Variants in GBA2 observed in about 807,000 individuals in gnomAD.
The protein encoded by GBA2 is glucosylceramidase beta 2.
In GBA2, 79 loss-of-function variants were observed where a neutral mutation model predicts 112.9. The observed-to-expected ratio is 0.70, with a 90% CI of 0.58 to 0.84. The LOEUF (loss-of-function observed/expected upper bound fraction) is 0.84. Among genes scored for constraint, GBA2 ranks in the 40% least tolerant of loss-of-function variants. The pLI, the probability that GBA2 is intolerant of heterozygous loss-of-function variation, is 0.00. For synonymous variants in GBA2, 403 were observed against 434.3 expected (o/e 0.93, Z 0.90); for missense variants, 1,043 against 1,190.0 (o/e 0.88, Z 1.82).
chr9:35,740,766 C>A lies in GBA2; in HGVS notation c.1026+59G>T. The A allele has an allele frequency of 2.5e-6, 4 of 1,597,146 alleles. No homozygotes were observed. In the South Asian group the frequency reaches 4.5e-5, roughly 18 times the overall value. On this transcript the variant is annotated intron_variant, in intron 5 of 16. Transcript: ENST00000378103. The surrounding 1 kb of genome is among the most constrained non-coding windows in gnomAD (Gnocchi z 4.7). ...AGTATGATGAGGGTGGATGAAGAGACCATGCTGGGGTGGAGGTGGGGTTCA... is the reference window on the plus strand; with the variant it reads ...AGTATGATGAGGGTGGATGAAGAGAACATGCTGGGGTGGAGGTGGGGTTCA...
Position 35,739,146 on chromosome 9 carries a change from C to T in GBA2, c.1688-37G>A, listed in dbSNP as rs114531569. 3.2e-3 allele frequency: 4,534 copies of T among 1,397,742 alleles called. 104 individuals carry two copies. The African/African-American group carries it at 0.055, about 17-fold the overall frequency. The allele number at this position is 1,397,742 out of a possible 1,614,324, so 86.6% of individuals were successfully genotyped here. Reference sequence around the variant, plus strand: ...ACACAGAAGGGAGGCAGGGAATGGGCATGCCTGAGGAGGGGCACACAGCTA... The same window carrying T: ...ACACAGAAGGGAGGCAGGGAATGGGTATGCCTGAGGAGGGGCACACAGCTA... On this transcript the variant is annotated intron_variant, in intron 10 of 16. Transcript: ENST00000378103.
At chr9:35,744,255 T>C in intron 3 of GBA2, 42 bp downstream of exon 3, 1 of 1,091,736 alleles carries the variant, frequency 9.2e-7, no homozygotes, top group Non-Finnish European at 1.4e-6. Context: ...CTTCTTGGCC[T>C]GGGGAGGTAT....
chr9:35,747,392 T>C (rs1426681149), intron 1 of GBA2, among the ~76,000 whole-genome samples: 1 of 152,178 alleles, frequency 6.6e-6, no homozygotes, highest in African/African-American at 2.4e-5. Flanking sequence ...ATGATTCTTC[T>C]CTGCTACAGG....
At chr9:35,744,746 G>T in intron 1 of GBA2, 40 bp from the exon 2 acceptor site, 1 of 1,120,086 alleles carries the variant, frequency 8.9e-7, no homozygotes, top group Non-Finnish European at 1.4e-6. Context: ...GGGGGCAGGT[G>T]GGCAGCTGTT....
In GBA2 at chr9:35,739,392, T is replaced by C. The variant is rs1353288322; in HGVS notation, c.1610A>G (p.Tyr537Cys). The C allele has an allele frequency of 1.9e-6, 3 of 1,612,794 alleles. No homozygotes were observed. The highest frequency in any genetic ancestry group is 3.3e-5 in the Admixed American group (2 of 59,996). Residue 537 changes from tyrosine to cysteine, a missense_variant, in exon 10 of 17, where the codon TAT (tyrosine) becomes TGT (cysteine). Transcript: ENST00000378103. ...AAAGGAAGCATAAAAGTGGACATCA[T>C]ATGTGTTGTACATGCGGTACTCCTG... is the stretch of plus-strand genomic sequence containing the variant. ...EGQEYRMYNT[Y>C]DVHFYASFAL... is the part of the protein sequence containing the mutation.
rs771473892 is a variant in GBA2 at position 35,737,514 on chromosome 9, A to G, written c.2506-67T>C. ...CTCTGAAGAGCCACTTCCACTGGATAGATGGAGGCAGTAGAGTCTTTGCCT... is the reference window on the plus strand; with the variant it reads ...CTCTGAAGAGCCACTTCCACTGGATGGATGGAGGCAGTAGAGTCTTTGCCT... On this transcript the variant is annotated intron_variant, in intron 16 of 16. Transcript: ENST00000378103. This position sits in a 1 kb window ranked among gnomAD's most constrained non-coding sequence, Gnocchi z 4.1. The G allele has an allele frequency of 1.9e-6, 3 of 1,575,430 alleles. No homozygotes were observed. In the African/African-American group the frequency reaches 4.1e-5, roughly 21 times the overall value.
rs2131932746 is a variant in GBA2, at chr9:35,737,220, T to C, written c.2733A>G (p.Thr911=). 2.5e-6 allele frequency: 4 copies of C among 1,612,780 alleles called. No homozygotes were observed. The highest frequency in any genetic ancestry group is 4.5e-5 in the East Asian group (2 of 44,872). ...CTTCCTTTGGTCCAAACATAGGCCC[T>C]GTCCTTAGTCCTGTGCCCTGTTTGA... ...PKVKQGTGLR[T]GPMFGPKEAM... Residue 911 remains threonine (T), a synonymous_variant, in exon 17 of 17, where the codon ACA becomes ACG. Coordinates refer to ENST00000378103, the MANE Select transcript of GBA2 (RefSeq NM_020944.3). This position sits in a 1 kb window ranked among gnomAD's most constrained non-coding sequence, Gnocchi z 4.1.
intron 1 of GBA2, among the ~76,000 whole-genome samples, chr9:35,745,384 C>G (rs375525516): frequency 1.3e-5 from 2 of 152,270 alleles, no homozygotes; most frequent in East Asian, 3.9e-4. Context: ...CTCGGCCTCC[C>G]AAAGTGCTGG....
rs1040312084 is a variant in GBA2, at chr9:35,740,314, C to T, written c.1178G>A (p.Cys393Tyr). Reference sequence around the variant, plus strand: ...TCGAGGTCGCAACTTGCTGGAAACACACACAGCTCCAGCAATGCCTACTCC... The same window carrying T: ...TCGAGGTCGCAACTTGCTGGAAACATACACAGCTCCAGCAATGCCTACTCC... ...QKGVGIAGAV[C>Y]VSSKLRPRGQ... is the part of the protein sequence containing the mutation. The change falls in exon 7 of 17, where the codon TGT becomes TAT. Residue 393 changes from cysteine to tyrosine, a missense_variant. Cys to Tyr is a radical substitution (Grantham distance 194, BLOSUM62 -2). Coordinates refer to ENST00000378103, the MANE Select transcript of GBA2 (RefSeq NM_020944.3). This position sits in a 1 kb window ranked among gnomAD's most constrained non-coding sequence, Gnocchi z 4.7. 1 of 1,613,842 alleles carries T rather than the reference C, an allele frequency of 6.2e-7. No homozygotes were observed. The highest frequency in any genetic ancestry group is 1.3e-5 in the African/African-American group (1 of 74,924).
Position 35,737,744 on chromosome 9 carries a change from T to G in GBA2, c.2505+4A>C. The stretch of plus-strand genomic sequence containing the variant: ...GTGGAGAGATGGGAAAAGGAGTGCA[T>G]TACCTCTTGGATCATGGTAGCTGCC... On this transcript the variant is annotated splice_donor_region_variant and intron_variant, in intron 16 of 16. Coordinates refer to ENST00000378103, the MANE Select transcript of GBA2 (RefSeq NM_020944.3). This position sits in a 1 kb window ranked among gnomAD's most constrained non-coding sequence, Gnocchi z 4.1. The G allele has an allele frequency of 1.2e-6, 2 of 1,613,434 alleles. No individual in the cohort carries two copies. The highest frequency in any genetic ancestry group is 1.7e-6 in the Non-Finnish European group (2 of 1,179,484).
In GBA2 at chr9:35,748,393, G is replaced by A; in HGVS notation, c.312C>T (p.Asn104=). 6.2e-7 allele frequency: 1 copy of A among 1,614,106 alleles called. No individual in the cohort carries two copies. The highest frequency in any genetic ancestry group is 8.5e-7 in the Non-Finnish European group (1 of 1,179,936). ...FTEKRKPFQA[N]NVSLSNMIKH... ...TTATCATGTTGCTTAGGGAGACGTT[G>A]TTAGCTTGAAAGGGTTTCCTCTTCT... The change falls in exon 1 of 17, where the codon AAC becomes AAT. Residue 104 remains asparagine, a synonymous_variant. Transcript: ENST00000378103.
intron 13 of GBA2, 43 bp downstream of exon 13, chr9:35,738,483 C>T (rs1272894426): frequency 7.6e-6 from 12 of 1,585,290 alleles, no homozygotes; most frequent in Non-Finnish European, 1.0e-5. Context: ...CCTTGTTGCC[C>T]AGTTTCTCAC....
rs367570993 is a variant in GBA2, at chr9:35,739,980, A to C, written c.1409+18T>G. The stretch of plus-strand genomic sequence containing the variant: ...GTGAGTGCCCAGGAGAAAGGCAAGA[A>C]ATGGGCCCCACTGGCACCTGTCATC... On this transcript the variant is annotated intron_variant, in intron 8 of 16. Coordinates refer to ENST00000378103, the MANE Select transcript of GBA2 (RefSeq NM_020944.3). 6 of 1,613,620 alleles carry C rather than the reference A, an allele frequency of 3.7e-6. No individual in the cohort carries two copies. The African/African-American group carries it at 6.7e-5, about 18-fold the overall frequency.
Position 35,741,078 on chromosome 9 carries a change from A to G in GBA2, c.787-14T>C, listed in dbSNP as rs1826643519. 1 of 1,613,840 alleles carries G rather than the reference A, an allele frequency of 6.2e-7. No individual in the cohort carries two copies. Among genetic ancestry groups the G allele is most frequent in the African/African-American group, 1.3e-5 (1 of 75,024 alleles). On this transcript the variant is annotated splice_polypyrimidine_tract_variant and intron_variant, in intron 4 of 16. Transcript: ENST00000378103. The surrounding 1 kb of genome is among the most constrained non-coding windows in gnomAD (Gnocchi z 4.6). ...CAGGCTGCTGTCCTGGGGGCAGAAG[A>G]TTAGACTCAGACGGTCCCAGTAGAG...
rs398123014 is a variant in GBA2 at position 35,740,833 on chromosome 9, G to C, written c.1018C>G (p.Arg340Gly). ...PNPYTMAVAA[R>G]VTAATTVTHI... Reference sequence around the variant, plus strand: ...GCAGGCTCTTTCCTTACCGTGACTCGTGCAGCCACAGCCATCGTGTAGGGG... The same window carrying C: ...GCAGGCTCTTTCCTTACCGTGACTCCTGCAGCCACAGCCATCGTGTAGGGG... The change falls in exon 5 of 17, where the codon CGA becomes GGA. Residue 340 changes from arginine to glycine, a missense_variant. By Grantham distance (125) the Arg-to-Gly change is moderately radical. Coordinates refer to ENST00000378103, the MANE Select transcript of GBA2 (RefSeq NM_020944.3). The surrounding 1 kb of genome is among the most constrained non-coding windows in gnomAD (Gnocchi z 4.7). The C allele has an allele frequency of 2.5e-6, 4 of 1,614,068 alleles. No homozygotes were observed. The South Asian group carries it at 3.3e-5, about 13-fold the overall frequency.
In GBA2 at chr9:35,749,033, A is replaced by C. The variant is rs920410982; in HGVS notation, c.-329T>G. 1.4e-5 allele frequency: 3 copies of C among 210,508 alleles called. No individual in the cohort carries two copies. The highest frequency in any genetic ancestry group is 1.2e-4 in the Admixed American group (2 of 16,400). The allele number at this position is 210,508 out of a possible 1,614,324, so 13.0% of individuals were successfully genotyped here. The stretch of plus-strand genomic sequence containing the variant: ...AGGGGAGGAGCCGCGGGGCCAGCCC[A>C]CCAGGCACCGCCCCGGGACGGGCCC... On this transcript the variant is annotated 5_prime_UTR_variant, in exon 1 of 17. Coordinates refer to ENST00000378103, the MANE Select transcript of GBA2 (RefSeq NM_020944.3). This position sits in a 1 kb window ranked among gnomAD's most constrained non-coding sequence, Gnocchi z 4.4.
In GBA2 at chr9:35,738,158, G is replaced by C. The variant is rs745560069; in HGVS notation, c.2198-6C>G. On this transcript the variant is annotated splice_region_variant and splice_polypyrimidine_tract_variant and intron_variant, in intron 14 of 16. Transcript: ENST00000378103. The stretch of plus-strand genomic sequence containing the variant: ...GTCATAGTTGTAATAGCGGCCTGGA[G>C]TCGAGGAAGAGAAAAATAAGGCTCC... 1.9e-6 allele frequency: 3 copies of C among 1,613,320 alleles called. No homozygotes were observed. The highest frequency in any genetic ancestry group is 2.5e-6 in the Non-Finnish European group (3 of 1,179,328).
chr9:35,744,443 T>A, intron 2 of GBA2, 31 bp from the exon 3 acceptor site: 1 of 1,320,392 alleles, frequency 7.6e-7, no homozygotes, highest in Non-Finnish European at 1.1e-6. Context: ...AGTGGGGTAT[T>A]GGGAGAGGAA....
At chr9:35,742,962 G>A (rs1468000890) in intron 3 of GBA2, among the ~76,000 whole-genome samples, 3 of 152,260 alleles carry the variant, frequency 2.0e-5, no homozygotes, top group Non-Finnish European at 4.4e-5. Context: ...TACCGAATAT[G>A]TACACACTTT....
Sources: gnomAD v4.1 joint callset for allele counts (sites outside exome capture counted in the v4.1 genomes callset) on GRCh38, gnomAD v4.1.1 for gene constraint, Gnocchi (gnomAD v3.1) non-coding constraint, MANE v1.5 for transcripts, NCBI Gene and HGNC (gene_info 2026-07-23, HGNC 2026-07-21) for gene names.